Variants in NAV2 observed in about 807,000 individuals in gnomAD.
The protein encoded by NAV2 is helicase, APC down-regulated 1.
In NAV2, 54 loss-of-function variants were observed where a neutral mutation model predicts 223.2. That is an observed-to-expected ratio of 0.24 (90% CI 0.19 to 0.30). NAV2 has a LOEUF of 0.30. NAV2 is among the 10% of genes least tolerant of loss of function. The pLI is 1.00. For synonymous variants in NAV2, 1,279 were observed against 1,239.3 expected, an observed-to-expected ratio of 1.03 and a Z score of -0.67; for missense variants, 2,806 against 3,147.5, an observed-to-expected ratio of 0.89 and a Z score of 2.60.
intron 3 of NAV2, among the ~76,000 whole-genome samples, chr11:19,856,925 G>A (rs149064160): frequency 9.8e-5 from 15 of 152,318 alleles, no homozygotes; most frequent in African/African-American, 3.1e-4. Flanking sequence ...TTGACTGTTC[G>A]TGAACAACCA....
rs972961643 is a variant in NAV2, at chr11:19,457,705, A to T, written c.75+106678A>T. Among the ~76,000 whole-genome samples the T allele has an allele frequency of 3.4e-4, 52 of 152,136 alleles. 1 individual carries two copies. Among genetic ancestry groups the T allele is most frequent in the Non-Finnish European group, 8.8e-5 (6 of 68,030 alleles). On this transcript the variant is annotated intron_variant, in intron 1 of 37. Coordinates refer to the NAV2 transcript ENST00000360655. ...GGAAGGCCAGTCATCCCTGCAGGAGATGCCAGCCTGGGGTGTCACCAGCAA... is the reference window on the plus strand; with the variant it reads ...GGAAGGCCAGTCATCCCTGCAGGAGTTGCCAGCCTGGGGTGTCACCAGCAA...
chr11:20,088,535 A>G (rs1180583521), intron 26 of NAV2, among the ~76,000 whole-genome samples: 3 of 152,084 alleles, frequency 2.0e-5, no homozygotes, highest in Non-Finnish European at 4.4e-5. Context: ...AGGCCTCATC[A>G]TTGTGTGTTT....
chr11:19,948,098 C>CGGGG (rs1359917028), intron 9 of NAV2, among the ~76,000 whole-genome samples: 3 of 148,286 alleles, frequency 2.0e-5, no homozygotes, highest in Non-Finnish European at 4.4e-5. Flanking sequence ...TTTTTTTTGC[C>CGGGG]GGGGGGGATG....
chr11:19,550,054 A>G (rs1262655759), intron 1 of NAV2, among the ~76,000 whole-genome samples: 3 of 152,172 alleles, frequency 2.0e-5, no homozygotes, highest in Admixed American at 2.0e-4. Flanking sequence ...GTGGAGGTGG[A>G]TGGGAAATTC....
intron 11 of NAV2, among the ~76,000 whole-genome samples, chr11:20,015,771 T>G (rs1225503075): frequency 6.6e-6 from 1 of 152,148 alleles, no homozygotes; most frequent in Non-Finnish European, 1.5e-5. Flanking sequence ...GAGGAGCGAC[T>G]ATAGTGTGGA....
intron 1 of NAV2, among the ~76,000 whole-genome samples, chr11:19,733,859 T>G (rs1028919620): frequency 3.3e-5 from 5 of 152,142 alleles, no homozygotes; most frequent in African/African-American, 1.2e-4. Context: ...TGGTGGTAGT[T>G]GTGATAGTGA....
chr11:19,984,526 T>C (rs2050591055), intron 11 of NAV2, among the ~76,000 whole-genome samples: 1 of 152,212 alleles, frequency 6.6e-6, no homozygotes, highest in Admixed American at 6.5e-5. Context: ...TGCTTGTTGC[T>C]ACTGTGTCTT....
intron 1 of NAV2, among the ~76,000 whole-genome samples, chr11:19,795,482 G>A (rs2057816904): frequency 6.6e-6 from 1 of 152,118 alleles, no homozygotes; most frequent in African/African-American, 2.4e-5. Flanking sequence ...GCAATATTGG[G>A]CAAAATAGAA....
intron 24 of NAV2, among the ~76,000 whole-genome samples, chr11:20,079,117 T>C (rs556213217): frequency 2.6e-5 from 4 of 152,338 alleles, no homozygotes; most frequent in African/African-American, 9.6e-5. Flanking sequence ...CTCCGCTCAC[T>C]GTAACCTCTG....
intron 11 of NAV2, among the ~76,000 whole-genome samples, chr11:19,999,408 A>G (rs2249600): frequency 1 from 152,189 of 152,370 alleles, 76,006 homozygotes; most frequent in Middle Eastern, 1. Flanking sequence ...TGCTCTTGTC[A>G]CCCAGGCTGG....
intron 1 of NAV2, among the ~76,000 whole-genome samples, chr11:19,398,079 C>A (rs531174603): frequency 5.7e-4 from 87 of 152,226 alleles, no homozygotes; most frequent in African/African-American, 2.0e-3. Flanking sequence ...TAAAGAAATG[C>A]CTGAGACTGG....
At chr11:20,099,321 T>C (rs865949330) in intron 31 of NAV2, among the ~76,000 whole-genome samples, 2 of 152,336 alleles carry the variant, frequency 1.3e-5, no homozygotes, top group South Asian at 4.1e-4. Context: ...TTTTATGTCC[T>C]GAGTTCAAAT....
chr11:20,080,521 G>A (rs1280372183), intron 25 of NAV2, among the ~76,000 whole-genome samples: 1 of 151,884 alleles, frequency 6.6e-6, no homozygotes, highest in East Asian at 1.9e-4. Flanking sequence ...CAAAGTTTCA[G>A]GTACTAGAGG....
At chr11:19,664,072 T>A (rs1427077861) in intron 1 of NAV2, among the ~76,000 whole-genome samples, 1 of 152,190 alleles carries the variant, frequency 6.6e-6, no homozygotes, top group East Asian at 1.9e-4. Context: ...AAGCCTTTCT[T>A]CCCTCTCAAA....
upstream of NAV2, among the ~76,000 whole-genome samples, chr11:19,708,899 T>TAA (rs77460734): frequency 1.8e-4 from 21 of 114,574 alleles, no homozygotes; most frequent in South Asian, 1.1e-3. Context: ...ATGCATATAG[T>TAA]AAAAAAAAAA....
intron 1 of NAV2, among the ~76,000 whole-genome samples, chr11:19,470,645 C>G (rs1024404998): frequency 2.0e-5 from 3 of 151,990 alleles, no homozygotes; most frequent in African/African-American, 4.8e-5. Context: ...TTTCCCAACA[C>G]TGTTACATAG....
In NAV2 at chr11:19,776,998, C is replaced by T. The variant is rs140929810; in HGVS notation, c.268-55486C>T. Among the ~76,000 whole-genome samples the T allele has an allele frequency of 2.5e-3, 385 of 152,070 alleles. 1 individual carries two copies. Among genetic ancestry groups the T allele is most frequent in the African/African-American group, 8.8e-3 (365 of 41,522 alleles). Reference sequence around the variant, plus strand: ...CCGACCATCTTTCCCCCTTCGCGCCCACCGGCGGCAGTGGCGAAGGGCCCA... The same window carrying T: ...CCGACCATCTTTCCCCCTTCGCGCCTACCGGCGGCAGTGGCGAAGGGCCCA... On this transcript the variant is annotated intron_variant, in intron 1 of 37. Coordinates refer to ENST00000349880, the MANE Select transcript of NAV2 (RefSeq NM_145117.5).
intron 1 of NAV2, among the ~76,000 whole-genome samples, chr11:19,578,550 G>A (rs577866004): frequency 2.6e-5 from 4 of 152,274 alleles, no homozygotes; most frequent in African/African-American, 9.6e-5. Flanking sequence ...GCTCTGTGGT[G>A]ACATTGTGAC....
intron 1 of NAV2, among the ~76,000 whole-genome samples, chr11:19,761,784 A>C (rs1424798589): frequency 6.6e-6 from 1 of 152,204 alleles, no homozygotes; most frequent in South Asian, 2.1e-4. Context: ...TCATCTCCAC[A>C]TTTAACCTAC....
Sources: gnomAD v4.1 joint callset for allele counts (sites outside exome capture counted in the v4.1 genomes callset) on GRCh38, gnomAD v4.1.1 for gene constraint, MANE v1.5 for transcripts, NCBI Gene and HGNC (gene_info 2026-07-23, HGNC 2026-07-21) for gene names.